SCUBE3: variants seen among roughly 807,000 people sequenced by gnomAD.
SCUBE3 encodes signal peptide, CUB and EGF-like domain-containing protein 3.
In SCUBE3, 33 loss-of-function variants were observed where a neutral mutation model predicts 116.8. That is an observed-to-expected ratio of 0.28 (90% CI 0.21 to 0.38). The LOEUF (loss-of-function observed/expected upper bound fraction) is 0.38. Ranked by LOEUF, SCUBE3 falls within the 10% of genes least tolerant of loss-of-function variation. SCUBE3 has a pLI of 1.00. For synonymous variants in SCUBE3, 418 were observed against 496.9 expected (o/e 0.84, Z 2.11); for missense variants, 1,007 against 1,324.8 (o/e 0.76, Z 3.72).
Position 35,228,557 on chromosome 6 carries a change from G to A in SCUBE3, c.209-57G>A. On this transcript the variant is annotated intron_variant, in intron 2 of 21. Coordinates refer to ENST00000274938, the MANE Select transcript of SCUBE3 (RefSeq NM_152753.4). This position sits in a 1 kb window ranked among gnomAD's most constrained non-coding sequence, Gnocchi z 4.9. ...AACACAACCATAAGGCTGAGTCTGGGGGTGGACAGTGGGTTCGCAGGTGGG... is the reference window on the plus strand; with the variant it reads ...AACACAACCATAAGGCTGAGTCTGGAGGTGGACAGTGGGTTCGCAGGTGGG... The A allele has an allele frequency of 6.3e-7, 1 of 1,597,940 alleles. No homozygotes were observed. The highest frequency in any genetic ancestry group is 2.2e-5 in the East Asian group (1 of 44,596).
Position 35,233,337 on chromosome 6 carries a change from G to T in SCUBE3, c.712+36G>T. 2 of 1,245,384 alleles carry T rather than the reference G, an allele frequency of 1.6e-6. No homozygotes were observed. The highest frequency in any genetic ancestry group is 2.4e-6 in the Non-Finnish European group (2 of 845,676). The allele number at this position is 1,245,384 out of a possible 1,614,324, so 77.1% of individuals were successfully genotyped here. ...CCAGGGGAGAACTCAGTCCACCTGAGATGGGGTGGGGGTGGGACCCTTTGG... is the reference window on the plus strand; with the variant it reads ...CCAGGGGAGAACTCAGTCCACCTGATATGGGGTGGGGGTGGGACCCTTTGG... On this transcript the variant is annotated intron_variant, in intron 6 of 21. Transcript: ENST00000274938. The surrounding 1 kb of genome is among the most constrained non-coding windows in gnomAD (Gnocchi z 5.7).
At chr6:35,238,050 A>G in intron 7 of SCUBE3, 32 bp downstream of exon 7, 1 of 1,346,246 alleles carries the variant, frequency 7.4e-7, no homozygotes, top group South Asian at 1.2e-5. Flanking sequence ...AAGCAGAGTG[A>G]CCTTTGGTAA....
intron 3 of SCUBE3, among the ~76,000 whole-genome samples, chr6:35,229,619 A>T (rs942817905): frequency 6.6e-6 from 1 of 152,238 alleles, no homozygotes; most frequent in Non-Finnish European, 1.5e-5. Context: ...TTCTTCCTGC[A>T]ATCTCCAGTC....
chr6:35,245,279 C>CCAACTACCCGGG lies in SCUBE3; in HGVS notation c.2463_2474dup (p.Gly822_Pro825dup), dbSNP rs755015570. Reference sequence around the variant, plus strand: ...GAGTTCACTGGCTATATTGAGTCCCCCAACTACCCGGGCAACTACCCAGCT... The same window carrying CCAACTACCCGGG: ...GAGTTCACTGGCTATATTGAGTCCCCCAACTACCCGGGCAACTACCCGGGCAACTACCCAGCT... On this transcript the variant is annotated inframe_insertion, in exon 19 of 22. Coordinates refer to ENST00000274938, the MANE Select transcript of SCUBE3 (RefSeq NM_152753.4). This position sits in a 1 kb window ranked among gnomAD's most constrained non-coding sequence, Gnocchi z 4.2. 1.2e-6 allele frequency: 2 copies of CCAACTACCCGGG among 1,614,110 alleles called. No individual in the cohort carries two copies. The highest frequency in any genetic ancestry group is 3.3e-5 in the Admixed American group (2 of 60,014).
rs200484267 is a variant in SCUBE3 at position 35,239,915 on chromosome 6, T to C, written c.952+41T>C. 3.4e-5 allele frequency: 53 copies of C among 1,537,624 alleles called. No homozygotes were observed. In the East Asian group the frequency reaches 1.1e-3, roughly 32 times the overall value. ...CAAAGGTGAAAGCCTTAGGAGAGGT[T>C]CTTGTGGGAGAGCTTCAAGGAGGCC... On this transcript the variant is annotated intron_variant, in intron 8 of 21. Transcript: ENST00000274938. This position sits in a 1 kb window ranked among gnomAD's most constrained non-coding sequence, Gnocchi z 4.1.
intron 21 of SCUBE3, among the ~76,000 whole-genome samples, chr6:35,248,119 A>G (rs762253708): frequency 6.6e-6 from 1 of 152,172 alleles, no homozygotes; most frequent in Non-Finnish European, 1.5e-5. Context: ...GAACTAATTA[A>G]AAACACAAAA....
chr6:35,247,438 C>CAA (rs368013054), intron 21 of SCUBE3, among the ~76,000 whole-genome samples: 81,560 of 121,480 alleles, frequency 0.67, 29,049 homozygotes, highest in South Asian at 0.81. Flanking sequence ...GACTCAGTCT[C>CAA]AAAAAAAAAA....
chr6:35,242,705 C>T lies in SCUBE3; in HGVS notation c.1618C>T (p.Arg540Trp), dbSNP rs764044144. ...SSRKGKGRRARTPPGKEVTRL... is the reference protein window; with the variant it reads ...SSRKGKGRRAWTPPGKEVTRL... ...TCGGAAGGGCAAGGGCCGACGGGCCCGGACCCCTCCAGGCAAAGAGGTCAC... is the reference window on the plus strand; with the variant it reads ...TCGGAAGGGCAAGGGCCGACGGGCCTGGACCCCTCCAGGCAAAGAGGTCAC... Residue 540 changes from arginine (R) to tryptophan (W), a missense_variant, in exon 14 of 22, where the codon CGG (arginine) becomes TGG (tryptophan). Around this residue, in one of 5 missense-constraint regions of SCUBE3, gnomAD observed 544 missense variants for 638.9 expected, o/e 0.85. Coordinates refer to ENST00000274938, the MANE Select transcript of SCUBE3 (RefSeq NM_152753.4). 7.4e-6 allele frequency: 12 copies of T among 1,614,106 alleles called. No individual in the cohort carries two copies. The highest frequency in any genetic ancestry group is 2.7e-5 in the African/African-American group (2 of 75,070).
intron 1 of SCUBE3, among the ~76,000 whole-genome samples, chr6:35,218,393 G>T (rs900552924): frequency 1.3e-5 from 2 of 152,322 alleles, no homozygotes; most frequent in East Asian, 3.9e-4. Context: ...GGAAGGGAAC[G>T]AAGGGCTTCA....
chr6:35,235,327 A>G lies in SCUBE3; in HGVS notation c.712+2026A>G, dbSNP rs549244112. ...TGTCATAAGGGTCCCAGGGCTCATC[A>G]TTTGGGGCTACTGGTTTGGGCTGGC... On this transcript the variant is annotated intron_variant, in intron 6 of 21. Coordinates refer to ENST00000274938, the MANE Select transcript of SCUBE3 (RefSeq NM_152753.4). The surrounding 1 kb of genome is among the most constrained non-coding windows in gnomAD (Gnocchi z 4.5). 2.3e-6 allele frequency: 1 copy of G among 432,392 alleles called. No homozygotes were observed. Among genetic ancestry groups the G allele is most frequent in the African/African-American group, 2.1e-5 (1 of 48,502 alleles). 26.8% of individuals were successfully genotyped at this position (432,392 alleles called of 1,614,324 possible).
In SCUBE3 at chr6:35,244,816, G is replaced by A. The variant is rs553421574; in HGVS notation, c.2401+5G>A. On this transcript the variant is annotated splice_donor_5th_base_variant and intron_variant, in intron 18 of 21. Transcript: ENST00000274938. The surrounding 1 kb of genome is among the most constrained non-coding windows in gnomAD (Gnocchi z 4.3). ...CCAGTGTGGCCCAATGCAAGAGTAC[G>A]TGGCAAGCCAGGCTGTGCAAAAGGG... The A allele has an allele frequency of 1.2e-6, 2 of 1,613,980 alleles. No homozygotes were observed. The highest frequency in any genetic ancestry group is 1.7e-5 in the Admixed American group (1 of 60,026).
At position 35,232,530 on chromosome 6, in the gene SCUBE3, C is replaced by T. The variant is rs1481575666; in HGVS notation, c.470-320C>T. Among the ~76,000 whole-genome samples, 2 of 152,126 alleles carry T rather than the reference C, an allele frequency of 1.3e-5. No individual in the cohort carries two copies. The highest frequency in any genetic ancestry group is 4.8e-5 in the African/African-American group (2 of 41,418). ...TATTTTTCTAGGACCTTCCTAAATC[C>T]ACCCCATCTCCAGCACAGTGCTGGA... On this transcript the variant is annotated intron_variant, in intron 4 of 21. Coordinates refer to ENST00000274938, the MANE Select transcript of SCUBE3 (RefSeq NM_152753.4). The surrounding 1 kb of genome is among the most constrained non-coding windows in gnomAD (Gnocchi z 4.2).
At chr6:35,248,505 T>C in intron 21 of SCUBE3, 51 bp from the exon 22 acceptor site, 1 of 1,592,944 alleles carries the variant, frequency 6.3e-7, no homozygotes, top group Non-Finnish European at 8.6e-7. Flanking sequence ...GGTGTTTCTC[T>C]TTCCCACCCC....
At chr6:35,226,522 G>A (rs1162234793) in intron 1 of SCUBE3, among the ~76,000 whole-genome samples, 2 of 109,600 alleles carry the variant, frequency 1.8e-5, no homozygotes, top group African/African-American at 3.8e-5. Flanking sequence ...TCTCACTGTC[G>A]CCCAGGCTGG....
At position 35,214,673 on chromosome 6, in the gene SCUBE3, C is replaced by T. The variant is rs548182993; in HGVS notation, c.85+170C>T. On this transcript the variant is annotated intron_variant, in intron 1 of 21. Transcript: ENST00000274938. The surrounding 1 kb of genome is among the most constrained non-coding windows in gnomAD (Gnocchi z 6.3). Reference sequence around the variant, plus strand: ...GGGCCCGACCGCTGGGCGCTGCGCCCCGAGCGAAAAGCCGGACAAGCTGGG... The same window carrying T: ...GGGCCCGACCGCTGGGCGCTGCGCCTCGAGCGAAAAGCCGGACAAGCTGGG... Among the ~76,000 whole-genome samples, 3 of 152,210 alleles carry T rather than the reference C, an allele frequency of 2.0e-5. No individual in the cohort carries two copies. Among genetic ancestry groups the T allele is most frequent in the African/African-American group, 7.2e-5 (3 of 41,460 alleles).
chr6:35,217,237 CGGGGGGGAGGCGCGGCGGGGGG>C (rs1562039650), intron 1 of SCUBE3, among the ~76,000 whole-genome samples: 3 of 1,624 alleles, frequency 1.8e-3, no homozygotes, highest in Non-Finnish European at 6.8e-3. Context: ...GGGGGGGGGG[CGGGGGGGAGGCGCGGCGGGGGG>C]GGGGGTGTGT....
rs78507852 is a variant in SCUBE3 at position 35,235,873 on chromosome 6, G to A, written c.713-2029G>A. On this transcript the variant is annotated intron_variant, in intron 6 of 21. Transcript: ENST00000274938. This position sits in a 1 kb window ranked among gnomAD's most constrained non-coding sequence, Gnocchi z 4.5. ...CCACTGTGCCACCTGAGATAGGGGT[G>A]CGATAGGATTAGATGCCATCCCCTC... Among the ~76,000 whole-genome samples the A allele has an allele frequency of 0.013, 1,955 of 151,850 alleles. 16 individuals carry two copies. Among genetic ancestry groups the A allele is most frequent in the African/African-American group, 0.023 (938 of 41,388 alleles).
chr6:35,235,854 T>A lies in SCUBE3; in HGVS notation c.713-2048T>A, dbSNP rs1021520804. ...CTCATCTTCCCTGTCATGCCCACTGTGCCACCTGAGATAGGGGTGCGATAG... is the reference window on the plus strand; with the variant it reads ...CTCATCTTCCCTGTCATGCCCACTGAGCCACCTGAGATAGGGGTGCGATAG... On this transcript the variant is annotated intron_variant, in intron 6 of 21. Transcript: ENST00000274938. The surrounding 1 kb of genome is among the most constrained non-coding windows in gnomAD (Gnocchi z 4.5). Among the ~76,000 whole-genome samples, 9 of 151,920 alleles carry A rather than the reference T, an allele frequency of 5.9e-5. No homozygotes were observed. The highest frequency in any genetic ancestry group is 1.2e-4 in the Non-Finnish European group (8 of 67,956).
chr6:35,225,735 T>A (rs887849564), intron 1 of SCUBE3, among the ~76,000 whole-genome samples: 1 of 152,210 alleles, frequency 6.6e-6, no homozygotes, highest in Non-Finnish European at 1.5e-5. Context: ...GACAGATAAC[T>A]GTCTCAAGCT....
Sources: allele counts gnomAD v4.1 joint callset (sites outside exome capture counted in the v4.1 genomes callset), GRCh38; gene constraint gnomAD v4.1.1; regional missense constraint gnomAD v4.1.1; non-coding constraint Gnocchi (gnomAD v3.1); transcripts MANE v1.5; gene names NCBI Gene and HGNC (gene_info 2026-07-23, HGNC 2026-07-21).